The following VPS11 variants were observed in gnomAD, a reference collection of about 807,000 sequenced individuals.
VPS11 encodes the protein vacuolar protein sorting-associated protein 11 homolog.
In VPS11, 51 loss-of-function variants were observed where a neutral mutation model predicts 106.8. The observed-to-expected ratio is 0.48, with a 90% CI of 0.38 to 0.60. The LOEUF (loss-of-function observed/expected upper bound fraction) is 0.60. Among genes scored for constraint, VPS11 ranks in the 20% least tolerant of loss-of-function variants. The pLI is 0.00. For synonymous variants in VPS11, 453 were observed against 458.7 expected, an observed-to-expected ratio of 0.99 and a Z score of 0.16; for missense variants, 950 against 1,190.0, an observed-to-expected ratio of 0.80 and a Z score of 2.97.
chr11:119,073,058 C>T (rs1945459267), intron 5 of VPS11, 140 bp from the exon 6 acceptor site: 10 of 901,530 alleles, frequency 1.1e-5, no homozygotes, highest in African/African-American at 3.3e-5. Context: ...ACCGGCACAG[C>T]GCTGCATGTT....
At chr11:119,072,209 A>C (rs967219380) in intron 5 of VPS11, 1 of 221,316 alleles carries the variant, frequency 4.5e-6, no homozygotes. Context: ...CAAGTGATCT[A>C]CCCGCCTCGG....
Position 119,078,883 on chromosome 11 carries a change from T to A in VPS11, c.2152T>A (p.Ser718Thr). ...VCERHGEQDP[S>T]LWEQALSYFA... ...TGAGCGCCATGGGGAGCAGGACCCC[T>A]CCTTGTGGGAGCAGGCCCTCAGCTA... Residue 718 changes from serine (S) to threonine (T), a missense_variant, in exon 13 of 16, where the codon TCC becomes ACC. Ser to Thr is a moderately conservative substitution (Grantham distance 58). Transcript: ENST00000621676. The A allele has an allele frequency of 6.2e-7, 1 of 1,613,994 alleles. No individual in the cohort carries two copies. The highest frequency in any genetic ancestry group is 8.5e-7 in the Non-Finnish European group (1 of 1,179,902).
At chr11:119,070,515 C>T (rs921823436) in intron 4 of VPS11, 118 bp downstream of exon 4, 23 of 1,133,184 alleles carry the variant, frequency 2.0e-5, no homozygotes, top group South Asian at 2.5e-5. Context: ...TCATATAATT[C>T]GAATCATTTG....
Position 119,076,945 on chromosome 11 carries a change from T to C in VPS11, c.1287T>C (p.Asp429=). The part of the protein sequence containing the change: ...EPSYVIRKFL[D]AQRIHNLTAY... ...CCTACGTGATCCGCAAGTTTCTGGA[T>C]GCCCAGCGCATTCACAACCTGACTG... Residue 429 remains aspartate, a synonymous_variant, in exon 8 of 16, where the codon GAT becomes GAC. Coordinates refer to ENST00000621676, the MANE Select transcript of VPS11 (RefSeq NM_021729.6). 6.2e-7 allele frequency: 1 copy of C among 1,614,042 alleles called. No individual in the cohort carries two copies. The highest frequency in any genetic ancestry group is 8.5e-7 in the Non-Finnish European group (1 of 1,179,906).
At chr11:119,074,381 C>A (rs967629462) in intron 7 of VPS11, among the ~76,000 whole-genome samples, 6 of 151,404 alleles carry the variant, frequency 4.0e-5, no homozygotes, top group Admixed American at 1.3e-4. Context: ...CCACTGCGCC[C>A]GGTGTTTTTT....
rs751964211 is a variant in VPS11 at position 119,073,453 on chromosome 11, G to A, written c.1086+54G>A. ...CACAGGCACCTAGAAGCAGCTGCAG[G>A]AGCAGGTTCCCCAAGTCATATTGGC... On this transcript the variant is annotated intron_variant, in intron 6 of 15. Coordinates refer to ENST00000621676, the MANE Select transcript of VPS11 (RefSeq NM_021729.6). 1.9e-6 allele frequency: 3 copies of A among 1,585,224 alleles called. No homozygotes were observed. The African/African-American group carries it at 4.0e-5, about 21-fold the overall frequency.
At chr11:119,070,198 C>T (rs1375690792) in intron 3 of VPS11, 36 bp from the exon 4 acceptor site, 5 of 1,576,120 alleles carry the variant, frequency 3.2e-6, no homozygotes, top group Admixed American at 1.8e-5. Flanking sequence ...CTGATCTTTT[C>T]AGCCTTACTG....
rs189842591 is a variant in VPS11 at position 119,079,256 on chromosome 11, G to A, written c.2394G>A (p.Glu798=). ...QDELRVRRYR[E]ETTRIRQEIQ... is the part of the protein sequence containing the mutation. ...AGCTGCGGGTGCGGCGGTACCGAGA[G>A]GAGACCACCCGTATCCGCCAGGAGA... The change falls in exon 14 of 16, where the codon GAG becomes GAA. Residue 798 remains glutamate, a synonymous_variant. Coordinates refer to ENST00000621676, the MANE Select transcript of VPS11 (RefSeq NM_021729.6). The A allele has an allele frequency of 3.2e-3, 5,186 of 1,606,282 alleles. 12 individuals carry two copies. Among genetic ancestry groups the A allele is most frequent in the Non-Finnish European group, 4.0e-3 (4,652 of 1,176,470 alleles).
At chr11:119,070,582 C>T (rs1401241412) in intron 4 of VPS11, 185 bp downstream of exon 4, 6 of 535,644 alleles carry the variant, frequency 1.1e-5, no homozygotes, top group South Asian at 1.0e-4. Flanking sequence ...AGACTCTGGG[C>T]TTGTAGTAAA....
chr11:119,073,600 T>C, intron 6 of VPS11, 200 bp from the exon 7 acceptor site: 1 of 871,022 alleles, frequency 1.1e-6, no homozygotes. Context: ...GAGCCCACTC[T>C]AAGGGTTCAC....
rs1945236715 is a variant in VPS11 at position 119,068,842 on chromosome 11, C to T, written c.188-354C>T. On this transcript the variant is annotated intron_variant, in intron 1 of 15. Transcript: ENST00000621676. ...TCTGGGCACACTGCAACCTCCGCCT[C>T]CCGGGTTCAAGCAATTCTCCTGCCT... Among the ~76,000 whole-genome samples, 3 of 152,072 alleles carry T rather than the reference C, an allele frequency of 2.0e-5. No individual in the cohort carries two copies. In the South Asian group the frequency reaches 6.2e-4, roughly 32 times the overall value.
At chr11:119,068,430 T>G (rs1328019039) in intron 1 of VPS11, among the ~76,000 whole-genome samples, 2 of 147,626 alleles carry the variant, frequency 1.4e-5, no homozygotes, top group African/African-American at 5.0e-5. Context: ...GCTACTAAAT[T>G]CTGGCCTTTT....
At position 119,077,598 on chromosome 11, in the gene VPS11, A is replaced by G; in HGVS notation, c.1523A>G (p.Asn508Ser). The change falls in exon 9 of 16, where the codon AAC (asparagine) becomes AGC (serine). Residue 508 changes from asparagine (N) to serine (S), a missense_variant. This residue lies in a region of VPS11 where 435 missense variants were observed against 630.2 expected (regional missense o/e 0.69). Coordinates refer to ENST00000621676, the MANE Select transcript of VPS11 (RefSeq NM_021729.6). ...YYSHALYLAENHAHHEWYLKI... is the reference protein window; with the variant it reads ...YYSHALYLAESHAHHEWYLKI... Reference sequence around the variant, plus strand: ...TCCCATGCCCTGTATCTGGCGGAGAACCATGCACATCATGAGTGGTACCTG... The same window carrying G: ...TCCCATGCCCTGTATCTGGCGGAGAGCCATGCACATCATGAGTGGTACCTG... The G allele has an allele frequency of 1.2e-6, 2 of 1,613,276 alleles. No homozygotes were observed. Among genetic ancestry groups the G allele is most frequent in the Non-Finnish European group, 1.7e-6 (2 of 1,179,494 alleles).
intron 3 of VPS11, 150 bp downstream of exon 3, chr11:119,069,727 G>C: frequency 9.0e-7 from 1 of 1,116,694 alleles, no homozygotes; most frequent in Non-Finnish European, 1.3e-6. Flanking sequence ...GGCCAGGCGC[G>C]GTGGCTCATG....
chr11:119,079,644 C>A (rs1006021567), intron 14 of VPS11, among the ~76,000 whole-genome samples: 1 of 152,126 alleles, frequency 6.6e-6, no homozygotes, highest in East Asian at 1.9e-4. Flanking sequence ...GGTGTGATCA[C>A]GGCTCACTGC....
rs1945471678 is a variant in VPS11 at position 119,073,340 on chromosome 11, C to T, written c.1027C>T (p.Leu343=). The change falls in exon 6 of 16, where the codon CTG becomes TTG. Residue 343 remains leucine (L), a synonymous_variant. Coordinates refer to ENST00000621676, the MANE Select transcript of VPS11 (RefSeq NM_021729.6). ...VLAEWGSLYV[L]TRDGRVHALQ... ...TGCTGAGTGGGGCTCCCTGTACGTG[C>T]TGACGCGGGATGGGCGGGTCCACGC... The T allele has an allele frequency of 6.2e-7, 1 of 1,613,838 alleles. No individual in the cohort carries two copies. Among genetic ancestry groups the T allele is most frequent in the Non-Finnish European group, 8.5e-7 (1 of 1,179,906 alleles).
chr11:119,078,366 A>G, intron 11 of VPS11, 32 bp downstream of exon 11: 1 of 1,601,792 alleles, frequency 6.2e-7, no homozygotes, highest in Non-Finnish European at 8.5e-7. Context: ...AGGAGAAAAG[A>G]CAGTTCGTGC....
In VPS11 at chr11:119,079,117, C is replaced by T. The variant is rs1945753097; in HGVS notation, c.2267-12C>T. ...GTTGATTGTCTTGTTTCCTCTTGGA[C>T]CCCAATCTCAGTGGTGCAGACCCTG... On this transcript the variant is annotated splice_polypyrimidine_tract_variant and intron_variant, in intron 13 of 15. Coordinates refer to ENST00000621676, the MANE Select transcript of VPS11 (RefSeq NM_021729.6). 6.2e-7 allele frequency: 1 copy of T among 1,612,976 alleles called. No homozygotes were observed. The highest frequency in any genetic ancestry group is 8.5e-7 in the Non-Finnish European group (1 of 1,179,208).
rs78868054 is a variant in VPS11 at position 119,076,881 on chromosome 11, G to A, written c.1239-16G>A. 2,888 of 1,613,490 alleles carry A rather than the reference G, an allele frequency of 1.8e-3. 77 individuals carry two copies. The East Asian group carries it at 0.053, about 30-fold the overall frequency. Reference sequence around the variant, plus strand: ...TACACTGATTCAGATGCTATCGGGTGCACATGTCTCCCTAGAACCATTGGA... The same window carrying A: ...TACACTGATTCAGATGCTATCGGGTACACATGTCTCCCTAGAACCATTGGA... On this transcript the variant is annotated splice_polypyrimidine_tract_variant and intron_variant, in intron 7 of 15. Transcript: ENST00000621676.
Sources: gnomAD v4.1 joint callset for allele counts (sites outside exome capture counted in the v4.1 genomes callset) on GRCh38, gnomAD v4.1.1 for gene constraint, gnomAD v4.1.1 regional missense constraint, MANE v1.5 for transcripts, NCBI Gene and HGNC (gene_info 2026-07-23, HGNC 2026-07-21) for gene names.